The following ACTL6B variants were observed in gnomAD, a reference collection of about 807,000 sequenced individuals.
The protein encoded by ACTL6B is actin like 6B.
Under a neutral mutation model 63.3 loss-of-function variants are expected in ACTL6B, and 48 were observed. The observed-to-expected ratio is 0.76, with a 90% CI of 0.60 to 0.96. The LOEUF (loss-of-function observed/expected upper bound fraction) is 0.96. ACTL6B is among the 50% of genes least tolerant of loss of function. The pLI is 0.00. For synonymous variants in ACTL6B, 230 were observed against 223.8 expected (o/e 1.03, Z -0.25); for missense variants, 350 against 572.2 (o/e 0.61, Z 3.96).
At chr7:100,654,118 G>T (rs1309983870) in intron 4 of ACTL6B, among the ~76,000 whole-genome samples, 3 of 151,788 alleles carry the variant, frequency 2.0e-5, no homozygotes, top group Non-Finnish European at 4.4e-5. Context: ...GACTACAGGT[G>T]CCCGCCACCA....
rs948253899 is a variant in ACTL6B at position 100,647,119 on chromosome 7, G to C, written c.822-34C>G. On this transcript the variant is annotated intron_variant, in intron 9 of 13. Transcript: ENST00000160382. This position sits in a 1 kb window ranked among gnomAD's most constrained non-coding sequence, Gnocchi z 4.4. Reference sequence around the variant, plus strand: ...AAGGGAGCAGGACTCTGCCTGGGGTGCTCAAGAAGGATCAGTGCGTGGGCA... The same window carrying C: ...AAGGGAGCAGGACTCTGCCTGGGGTCCTCAAGAAGGATCAGTGCGTGGGCA... 5.3e-5 allele frequency: 86 copies of C among 1,612,064 alleles called. No homozygotes were observed. Among genetic ancestry groups the C allele is most frequent in the Non-Finnish European group, 6.4e-5 (75 of 1,178,428 alleles).
chr7:100,647,343 C>A lies in ACTL6B; in HGVS notation c.760-59G>T. 1 of 1,604,870 alleles carries A rather than the reference C, an allele frequency of 6.2e-7. No individual in the cohort carries two copies. The highest frequency in any genetic ancestry group is 8.5e-7 in the Non-Finnish European group (1 of 1,173,450). ...TTCCCCGTGAGCAGCACCCCCTGCCCCGCTCCCCCTCCCTGCTCCCCCTCC... is the reference window on the plus strand; with the variant it reads ...TTCCCCGTGAGCAGCACCCCCTGCCACGCTCCCCCTCCCTGCTCCCCCTCC... On this transcript the variant is annotated intron_variant, in intron 8 of 13. Transcript: ENST00000160382. The surrounding 1 kb of genome is among the most constrained non-coding windows in gnomAD (Gnocchi z 4.4).
chr7:100,651,932 GA>G (rs1257835085), intron 4 of ACTL6B, among the ~76,000 whole-genome samples: 1 of 152,056 alleles, frequency 6.6e-6, no homozygotes, highest in Non-Finnish European at 1.5e-5. Context: ...AATAAGTCAA[GA>G]AAAGGAGTCA....
rs1803866427 is a variant in ACTL6B, at chr7:100,648,352, T to C, written c.669+204A>G. 1 of 523,374 alleles carries C rather than the reference T, an allele frequency of 1.9e-6. No homozygotes were observed. The highest frequency in any genetic ancestry group is 3.5e-5 in the Admixed American group (1 of 28,726). 32.4% of individuals were successfully genotyped at this position (523,374 alleles called of 1,614,324 possible). ...ACACTGGCCCTCACACATCCTGCTG[T>C]CTGCCAGCTGGTTTCATGACCTCAG... On this transcript the variant is annotated intron_variant, in intron 7 of 13. Coordinates refer to ENST00000160382, the MANE Select transcript of ACTL6B (RefSeq NM_016188.5). The surrounding 1 kb of genome is among the most constrained non-coding windows in gnomAD (Gnocchi z 4.4).
chr7:100,655,539 G>T lies in ACTL6B; in HGVS notation c.150C>A (p.Gly50=), dbSNP rs1416113813. Residue 50 remains glycine (G), a synonymous_variant, in exon 3 of 14, where the codon GGC becomes GGA. Coordinates refer to ENST00000160382, the MANE Select transcript of ACTL6B (RefSeq NM_016188.5). This position sits in a 1 kb window ranked among gnomAD's most constrained non-coding sequence, Gnocchi z 4.4. The stretch of plus-strand genomic sequence containing the variant: ...CTTTGTCCCCCTCCAGCTCCAGCCC[G>T]CCCCCCTCCTCCGCGGCCAGCAGCC... ...TVGLLAAEEG[G]GLELEGDKEK... is the part of the protein sequence containing the mutation. 1 of 1,613,874 alleles carries T rather than the reference G, an allele frequency of 6.2e-7. No individual in the cohort carries two copies. The highest frequency in any genetic ancestry group is 8.5e-7 in the Non-Finnish European group (1 of 1,179,882).
intron 13 of ACTL6B, among the ~76,000 whole-genome samples, chr7:100,643,878 A>T (rs937487508): frequency 3.3e-5 from 5 of 152,004 alleles, no homozygotes; most frequent in Non-Finnish European, 5.9e-5. Flanking sequence ...TTTTTTTAAA[A>T]TTTTAATTTT....
chr7:100,654,883 G>A (rs1804008223), intron 4 of ACTL6B, 136 bp downstream of exon 4: 1 of 696,372 alleles, frequency 1.4e-6, no homozygotes, highest in East Asian at 2.7e-5. Context: ...AATTGTTTGG[G>A]ATGGGTGAGG....
At position 100,656,337 on chromosome 7, in the gene ACTL6B, G is replaced by T; in HGVS notation, c.18C>A (p.Tyr6Ter). The change falls in exon 1 of 14, where the codon TAC becomes TAA. Residue 6 changes from tyrosine (Y) to a stop codon, truncating the protein, a stop_gained. Transcript: ENST00000160382. LOFTEE classifies it high-confidence loss of function. ...GGCCCGAGGCTCGCTCACCTCCGCC[G>T]TAGACGCCCCCGCTCATAGTGCCCG... The part of the protein sequence containing the change: MSGGV[Y>*]GGDEVGALVF... The T allele has an allele frequency of 7.2e-7, 1 of 1,384,616 alleles. No individual in the cohort carries two copies. Among genetic ancestry groups the T allele is most frequent in the Non-Finnish European group, 9.4e-7 (1 of 1,064,606 alleles). The allele number at this position is 1,384,616 out of a possible 1,614,324, so 85.8% of individuals were successfully genotyped here.
Position 100,647,338 on chromosome 7 carries a change from C to A in ACTL6B, c.760-54G>T. On this transcript the variant is annotated intron_variant, in intron 8 of 13. Transcript: ENST00000160382. This position sits in a 1 kb window ranked among gnomAD's most constrained non-coding sequence, Gnocchi z 4.4. ...CTGCCTTCCCCGTGAGCAGCACCCC[C>A]TGCCCCGCTCCCCCTCCCTGCTCCC... is the stretch of plus-strand genomic sequence containing the variant. The A allele has an allele frequency of 6.2e-7, 1 of 1,606,222 alleles. No homozygotes were observed.
intron 4 of ACTL6B, among the ~76,000 whole-genome samples, chr7:100,652,136 C>T (rs1043134312): frequency 4.6e-5 from 7 of 152,034 alleles, no homozygotes; most frequent in African/African-American, 1.2e-4. Flanking sequence ...TGGTGGCTCA[C>T]GCCTGTAATC....
chr7:100,656,189 C>CA, intron 1 of ACTL6B, 141 bp downstream of exon 1: 1 of 1,051,924 alleles, frequency 9.5e-7, no homozygotes, highest in Non-Finnish European at 1.3e-6. Context: ...GGACCGAGCG[C>CA]AGGGGTGGCG....
chr7:100,646,683 C>T lies in ACTL6B; in HGVS notation c.1018-37G>A. The stretch of plus-strand genomic sequence containing the variant: ...GAGAAGGAGTGAGCTGCGGGGGCAG[C>T]CCCCCAACCCCGTCTCCCCACTTCC... On this transcript the variant is annotated intron_variant, in intron 11 of 13. Coordinates refer to ENST00000160382, the MANE Select transcript of ACTL6B (RefSeq NM_016188.5). The surrounding 1 kb of genome is among the most constrained non-coding windows in gnomAD (Gnocchi z 6.1). 1.2e-6 allele frequency: 2 copies of T among 1,612,588 alleles called. 1 individual carries two copies. The highest frequency in any genetic ancestry group is 2.2e-5 in the South Asian group (2 of 91,064).
At position 100,647,955 on chromosome 7, in the gene ACTL6B, C is replaced by G. The variant is rs1279558494; in HGVS notation, c.670-422G>C. ...CTTTGATATCATGCTGTTGGTCACA[C>G]AGCTCTTTTTTTTTTTTTTTTTCAG... On this transcript the variant is annotated intron_variant, in intron 7 of 13. Transcript: ENST00000160382. This position sits in a 1 kb window ranked among gnomAD's most constrained non-coding sequence, Gnocchi z 4.4. 6.7e-6 allele frequency among the ~76,000 whole-genome samples: 1 copy of G among 149,230 alleles called. No homozygotes were observed. The highest frequency in any genetic ancestry group is 2.0e-4 in the East Asian group (1 of 5,090).
rs1042445712 is a variant in ACTL6B at position 100,647,489 on chromosome 7, C to G, written c.714G>C (p.Glu238Asp). ...AGGACTTGGAGACCTGGGGTAGCTT[C>G]TCCTTCTTCTTCCAGTTTGGGGGGG... ...EGAPPNWKKK[E>D]KLPQVSKSWH... is the part of the protein sequence containing the mutation. The change falls in exon 8 of 14, where the codon GAG (glutamate) becomes GAC (aspartate). Residue 238 changes from glutamate to aspartate, a missense_variant. Around this residue, in one of 3 missense-constraint regions of ACTL6B, gnomAD observed 250 missense variants for 364.7 expected, o/e 0.69. Coordinates refer to ENST00000160382, the MANE Select transcript of ACTL6B (RefSeq NM_016188.5). This position sits in a 1 kb window ranked among gnomAD's most constrained non-coding sequence, Gnocchi z 4.4. 1 of 1,611,378 alleles carries G rather than the reference C, an allele frequency of 6.2e-7. No individual in the cohort carries two copies. The highest frequency in any genetic ancestry group is 8.5e-7 in the Non-Finnish European group (1 of 1,178,650).
chr7:100,654,643 G>A (rs113037109), intron 4 of ACTL6B, among the ~76,000 whole-genome samples: 7 of 151,710 alleles, frequency 4.6e-5, no homozygotes, highest in South Asian at 2.1e-4. Context: ...TTAGCCAGGC[G>A]TGGTGGCGGG....
In ACTL6B at chr7:100,648,749, T is replaced by A; in HGVS notation, c.542A>T (p.Asp181Val). 6.2e-7 allele frequency: 1 copy of A among 1,614,044 alleles called. No individual in the cohort carries two copies. Among genetic ancestry groups the A allele is most frequent in the East Asian group, 2.2e-5 (1 of 44,864 alleles). The change falls in exon 6 of 14, where the codon GAC (aspartate) becomes GTC (valine). Residue 181 changes from aspartate (D) to valine (V), a missense_variant. Coordinates refer to ENST00000160382, the MANE Select transcript of ACTL6B (RefSeq NM_016188.5). The surrounding 1 kb of genome is among the most constrained non-coding windows in gnomAD (Gnocchi z 4.4). ...ATHTTAIPVHDGYVLQQGIVK... is the reference protein window; with the variant it reads ...ATHTTAIPVHVGYVLQQGIVK... The stretch of plus-strand genomic sequence containing the variant: ...CCCACCTTGCTGCAGAACGTAGCCG[T>A]CATGTACTGGAATGGCCGTGGTGTG...
rs1803816524 is a variant in ACTL6B, at chr7:100,646,098, C to T, written c.1200+151G>A. The T allele has an allele frequency of 3.8e-6, 3 of 789,404 alleles. No homozygotes were observed. The highest frequency in any genetic ancestry group is 6.3e-6 in the Non-Finnish European group (3 of 476,320). 48.9% of individuals were successfully genotyped at this position (789,404 alleles called of 1,614,324 possible). The stretch of plus-strand genomic sequence containing the variant: ...TGCCCCCCGATTTGTGTCCTGTTCA[C>T]CCTTCTGGGAACATTCATTGACTGA... On this transcript the variant is annotated intron_variant, in intron 13 of 13. Transcript: ENST00000160382. The surrounding 1 kb of genome is among the most constrained non-coding windows in gnomAD (Gnocchi z 6.1).
rs771906747 is a variant in ACTL6B at position 100,647,235 on chromosome 7, G to T, written c.809C>A (p.Pro270His). 5.0e-6 allele frequency: 8 copies of T among 1,613,416 alleles called. No homozygotes were observed. Among genetic ancestry groups the T allele is most frequent in the Admixed American group, 3.3e-5 (2 of 59,976 alleles). Reference protein sequence around the residue: ...QASVLQVSDSPYDEQVAAQMP... With the variant: ...QASVLQVSDSHYDEQVAAQMP... Reference sequence around the variant, plus strand: ...GAGCCACACTCACTGTTCATCGTAGGGGGAGTCTGAGACCTGCAGCACGGA... The same window carrying T: ...GAGCCACACTCACTGTTCATCGTAGTGGGAGTCTGAGACCTGCAGCACGGA... The change falls in exon 9 of 14, where the codon CCC (proline) becomes CAC (histidine). Residue 270 changes from proline to histidine, a missense_variant. Transcript: ENST00000160382. The surrounding 1 kb of genome is among the most constrained non-coding windows in gnomAD (Gnocchi z 4.4).
chr7:100,655,109 C>G lies in ACTL6B; in HGVS notation c.279G>C (p.Trp93Cys). 6.2e-7 allele frequency: 1 copy of G among 1,613,782 alleles called. No individual in the cohort carries two copies. Among genetic ancestry groups the G allele is most frequent in the Non-Finnish European group, 8.5e-7 (1 of 1,179,886 alleles). Residue 93 changes from tryptophan (W) to cysteine (C), a missense_variant, in exon 4 of 14, where the codon TGG (tryptophan) becomes TGC (cysteine). Physicochemically the swap from Trp to Cys is radical, Grantham distance 215 (BLOSUM62 -2). Transcript: ENST00000160382. This position sits in a 1 kb window ranked among gnomAD's most constrained non-coding sequence, Gnocchi z 4.4. ...SPLKNGMIED[W>C]ECFRAILDHT... ...GATCCAGGATGGCTCGGAAGCACTC[C>G]CAGTCCTCGACTGGGGCCAGAAGAG... is the stretch of plus-strand genomic sequence containing the variant.
Sources: allele counts gnomAD v4.1 joint callset (sites outside exome capture counted in the v4.1 genomes callset), GRCh38; gene constraint gnomAD v4.1.1; regional missense constraint gnomAD v4.1.1; non-coding constraint Gnocchi (gnomAD v3.1); transcripts MANE v1.5; gene names NCBI Gene and HGNC (gene_info 2026-07-23, HGNC 2026-07-21).